The following NDUFS1 variants were observed in gnomAD, a reference collection of about 807,000 sequenced individuals.
NDUFS1 encodes the protein NADH-ubiquinone oxidoreductase 75 kDa subunit, mitochondrial.
Under a neutral mutation model 84.4 loss-of-function variants are expected in NDUFS1, and 61 were observed. That is an observed-to-expected ratio of 0.72 (90% CI 0.59 to 0.89). The LOEUF (loss-of-function observed/expected upper bound fraction) is 0.89, where lower values mean the gene tolerates loss of function less well. Among genes scored for constraint, NDUFS1 ranks in the 40% least tolerant of loss-of-function variants. The pLI is 0.00. For missense variants in NDUFS1, 891 were observed against 890.0 expected (o/e 1.00, Z -0.01); for synonymous variants, 275 against 290.0 (o/e 0.95, Z 0.53).
Position 206,122,305 on chromosome 2 carries a change from C to T in NDUFS1, c.*1880G>A, listed in dbSNP as rs1691119534. 1 of 151,714 alleles carries T rather than the reference C, an allele frequency of 6.6e-6. No homozygotes were observed. Among genetic ancestry groups the T allele is most frequent in the Admixed American group, 6.6e-5 (1 of 15,198 alleles). 9.4% of individuals were successfully genotyped at this position (151,714 alleles called of 1,614,324 possible). On this transcript the variant is annotated 3_prime_UTR_variant, in exon 19 of 19. Transcript: ENST00000233190. ...AAAGATATTGTAACATACTATTATT[C>T]TAAAACCTTATCCTTTGTTGTATCA...
At chr2:206,153,960 A>G (rs1371971012) in intron 1 of NDUFS1, among the ~76,000 whole-genome samples, 1 of 152,232 alleles carries the variant, frequency 6.6e-6, no homozygotes, top group Non-Finnish European at 1.5e-5. Context: ...ATGACATAGA[A>G]AGGATCAAAC....
At chr2:206,142,287 A>T (rs1691992715) in intron 11 of NDUFS1, among the ~76,000 whole-genome samples, 1 of 152,130 alleles carries the variant, frequency 6.6e-6, no homozygotes, top group Non-Finnish European at 1.5e-5. Flanking sequence ...ATCCTGGCTC[A>T]CTGCAACCTC....
Position 206,116,564 on chromosome 2 carries a change from T to G in NDUFS1, c.*7621A>C, listed in dbSNP as rs1171036475. ...CCACTCGCGCGGGGAGGCGGGGCGGTGTGGGCAGAAGTAAATTTCTTTATA... is the reference window on the plus strand; with the variant it reads ...CCACTCGCGCGGGGAGGCGGGGCGGGGTGGGCAGAAGTAAATTTCTTTATA... On this transcript the variant is annotated 3_prime_UTR_variant, in exon 19 of 19. Coordinates refer to ENST00000233190, the MANE Select transcript of NDUFS1 (RefSeq NM_005006.7). 1.6e-6 allele frequency: 1 copy of G among 633,538 alleles called. No homozygotes were observed. Among genetic ancestry groups the G allele is most frequent in the Non-Finnish European group, 2.8e-6 (1 of 363,004 alleles). The allele number at this position is 633,538 out of a possible 1,614,324, so 39.2% of individuals were successfully genotyped here. A position where few individuals can be genotyped will look rare whatever the true frequency, so the allele number is the denominator to read the frequency against.
intron 1 of NDUFS1, among the ~76,000 whole-genome samples, chr2:206,157,963 CTT>C (rs1553509152): frequency 5.3e-5 from 7 of 131,786 alleles, no homozygotes; most frequent in Non-Finnish European, 7.9e-5. Flanking sequence ...ATTTCAATAG[CTT>C]TTTTTTTTTT....
rs1691097045 is a variant in NDUFS1 at position 206,121,597 on chromosome 2, C to T, written c.*2588G>A. On this transcript the variant is annotated 3_prime_UTR_variant, in exon 19 of 19. Coordinates refer to ENST00000233190, the MANE Select transcript of NDUFS1 (RefSeq NM_005006.7). Reference sequence around the variant, plus strand: ...CCTCCCCAGTAGCTGGGATTACAGCCATGTGCCACCATGCCTGGCTAATTT... The same window carrying T: ...CCTCCCCAGTAGCTGGGATTACAGCTATGTGCCACCATGCCTGGCTAATTT... The T allele has an allele frequency of 6.6e-6, 1 of 152,078 alleles. No individual in the cohort carries two copies. Among genetic ancestry groups the T allele is most frequent in the Non-Finnish European group, 1.5e-5 (1 of 68,086 alleles). 9.4% of individuals were successfully genotyped at this position (152,078 alleles called of 1,614,324 possible). A position where few individuals can be genotyped will look rare whatever the true frequency, so the allele number is the denominator to read the frequency against.
At chr2:206,159,119 C>A (rs749983326) in intron 1 of NDUFS1, 1 of 1,535,698 alleles carries the variant, frequency 6.5e-7, no homozygotes, top group Non-Finnish European at 8.7e-7. Flanking sequence ...TTCCCGAGGA[C>A]CCCCTGATCC....
intron 18 of NDUFS1, among the ~76,000 whole-genome samples, chr2:206,124,568 G>A (rs958393017): frequency 2.0e-5 from 3 of 152,094 alleles, no homozygotes; most frequent in African/African-American, 7.2e-5. Flanking sequence ...GGCCAGGCGC[G>A]GTGGCTCACA....
chr2:206,136,509 C>T (rs1380026317), intron 13 of NDUFS1, among the ~76,000 whole-genome samples: 3 of 150,248 alleles, frequency 2.0e-5, no homozygotes, highest in African/African-American at 7.4e-5. Context: ...TCTGAGCTCA[C>T]TGCAACCTCC....
rs746644201 is a variant in NDUFS1, at chr2:206,146,968, A to G, written c.672T>C (p.Asp224=). ...FMSELSGNII[D]ICPVGALTSK... ...AGGTTAGGGCACCTACAGGGCAGAT[A>G]TCAATGATATTCCCAGACAGTTCAG... The change falls in exon 8 of 19, where the codon GAT becomes GAC. Residue 224 remains aspartate (D), a synonymous_variant. Coordinates refer to ENST00000233190, the MANE Select transcript of NDUFS1 (RefSeq NM_005006.7). 9.3e-6 allele frequency: 15 copies of G among 1,614,032 alleles called. No homozygotes were observed. In the Admixed American group the frequency reaches 2.5e-4, roughly 27 times the overall value.
chr2:206,135,725 G>A (rs1691684052), intron 13 of NDUFS1, among the ~76,000 whole-genome samples: 2 of 151,990 alleles, frequency 1.3e-5, no homozygotes, highest in South Asian at 4.1e-4. Flanking sequence ...TCTCAAAATA[G>A]TAGTCACCTA....
rs528095888 is a variant in NDUFS1 at position 206,155,963 on chromosome 2, C to T, written c.-4-2281G>A. On this transcript the variant is annotated intron_variant, in intron 1 of 18. Transcript: ENST00000233190. ...TATTCACTTGATCATATAGGTTGAGCATCCAAAATCATTTGGAACTTTTAA... is the reference window on the plus strand; with the variant it reads ...TATTCACTTGATCATATAGGTTGAGTATCCAAAATCATTTGGAACTTTTAA... Among the ~76,000 whole-genome samples the T allele has an allele frequency of 1.1e-3, 173 of 151,908 alleles. 4 individuals carry two copies. Among genetic ancestry groups the T allele is most frequent in the Non-Finnish European group, 9.9e-4 (67 of 67,944 alleles).
Position 206,132,932 on chromosome 2 carries a change from T to C in NDUFS1, c.1553+13A>G. On this transcript the variant is annotated intron_variant, in intron 14 of 18. Coordinates refer to ENST00000233190, the MANE Select transcript of NDUFS1 (RefSeq NM_005006.7). The stretch of plus-strand genomic sequence containing the variant: ...CTTGAATTTATAGTATATAAAGCAA[T>C]TACTCAACAAACCTATGAAGGATAT... The C allele has an allele frequency of 1.2e-6, 2 of 1,607,210 alleles. No individual in the cohort carries two copies. The highest frequency in any genetic ancestry group is 1.1e-5 in the South Asian group (1 of 90,846).
chr2:206,149,228 T>A, intron 4 of NDUFS1, 132 bp from the exon 5 acceptor site: 1 of 718,486 alleles, frequency 1.4e-6, no homozygotes, highest in Non-Finnish European at 2.3e-6. Flanking sequence ...GAATAGGGTA[T>A]TTTTTAAAAC....
At chr2:206,126,957 G>C in intron 16 of NDUFS1, 113 bp from the exon 17 acceptor site, 1 of 1,297,870 alleles carries the variant, frequency 7.7e-7, no homozygotes, top group Non-Finnish European at 1.1e-6. Flanking sequence ...AAAACCTATT[G>C]GTGTCCATTA....
At chr2:206,142,546 T>C in intron 11 of NDUFS1, 140 bp downstream of exon 11, 2 of 1,066,498 alleles carry the variant, frequency 1.9e-6, no homozygotes, top group Non-Finnish European at 1.4e-6. Context: ...CTCTATTTCC[T>C]ACAACTTCTG....
intron 18 of NDUFS1, among the ~76,000 whole-genome samples, chr2:206,124,606 G>A (rs1202527494): frequency 1.3e-5 from 2 of 152,244 alleles, no homozygotes; most frequent in Non-Finnish European, 2.9e-5. Context: ...TTGGGAGGCC[G>A]AGGCAGGTGG....
chr2:206,124,227 G>A lies in NDUFS1; in HGVS notation c.2142C>T (p.Val714=). The change falls in exon 19 of 19, where the codon GTC becomes GTT. Residue 714 remains valine, a synonymous_variant. Coordinates refer to ENST00000233190, the MANE Select transcript of NDUFS1 (RefSeq NM_005006.7). ...SQTMAKCVKA[V]TEGAQAVEEP... ...CCTCTACTGCCTGGGCACCCTCTGT[G>A]ACAGCTTTGACACATTTGGCCATTG... 6.2e-7 allele frequency: 1 copy of A among 1,613,528 alleles called. No homozygotes were observed. Among genetic ancestry groups the A allele is most frequent in the South Asian group, 1.1e-5 (1 of 91,068 alleles).
At chr2:206,129,637 G>T (rs1691428372) in intron 15 of NDUFS1, among the ~76,000 whole-genome samples, 1 of 151,528 alleles carries the variant, frequency 6.6e-6, no homozygotes, top group African/African-American at 2.4e-5. Flanking sequence ...TATTGCCTAG[G>T]CTGGAGTACA....
intron 2 of NDUFS1, among the ~76,000 whole-genome samples, chr2:206,153,240 G>A (rs1306589148): frequency 6.7e-6 from 1 of 149,934 alleles, no homozygotes; most frequent in African/African-American, 2.5e-5. Context: ...CTATCTCCCA[G>A]GCTGGAGTGC....
Sources: gnomAD v4.1 joint callset for allele counts (sites outside exome capture counted in the v4.1 genomes callset) on GRCh38, gnomAD v4.1.1 for gene constraint, MANE v1.5 for transcripts, NCBI Gene and HGNC (gene_info 2026-07-23, HGNC 2026-07-21) for gene names.